The following KIF21A variants were observed in gnomAD, a reference collection of about 807,000 sequenced individuals.
The protein encoded by KIF21A is kinesin-like protein KIF21A.
KIF21A carries 114 observed loss-of-function variants against 202.9 expected under a neutral mutation model. The observed-to-expected ratio is 0.56, with a 90% CI of 0.48 to 0.66. The LOEUF (loss-of-function observed/expected upper bound fraction) is 0.66, where lower values mean the gene tolerates loss of function less well. Among genes scored for constraint, KIF21A ranks in the 30% least tolerant of loss-of-function variants. The probability of loss-of-function intolerance (pLI) is 0.00; values close to 1 mark genes in which losing one functional copy is unlikely to be tolerated. For missense variants in KIF21A, 1,677 were observed against 1,994.9 expected (o/e 0.84, Z 3.04); for synonymous variants, 667 against 670.8 (o/e 0.99, Z 0.09).
chr12:39,308,930 C>T (rs1215659244), intron 33 of KIF21A, among the ~76,000 whole-genome samples: 1 of 152,132 alleles, frequency 6.6e-6, no homozygotes, highest in Non-Finnish European at 1.5e-5. Flanking sequence ...CTTTCTTATG[C>T]TCCCTTCTCT....
chr12:39,363,032 A>G, intron 7 of KIF21A, 66 bp downstream of exon 7: 1 of 1,041,384 alleles, frequency 9.6e-7, no homozygotes, highest in Non-Finnish European at 1.5e-6. Context: ...CTTATAAATC[A>G]TCTTACAAGC....
At chr12:39,370,877 G>A (rs944021481) in intron 1 of KIF21A, among the ~76,000 whole-genome samples, 5 of 151,774 alleles carry the variant, frequency 3.3e-5, no homozygotes, top group African/African-American at 1.2e-4. Context: ...TTGAAATACT[G>A]TCATCTCTCA....
intron 1 of KIF21A, among the ~76,000 whole-genome samples, chr12:39,425,253 T>G (rs1029153465): frequency 1.3e-5 from 2 of 152,190 alleles, no homozygotes; most frequent in African/African-American, 2.4e-5. Flanking sequence ...AAATATTTAT[T>G]GTCTCTATCC....
At chr12:39,332,449 C>T (rs757001969) in intron 20 of KIF21A, 41 bp from the exon 21 acceptor site, 8 of 1,599,072 alleles carry the variant, frequency 5.0e-6, no homozygotes, top group South Asian at 4.4e-5. Context: ...ATTATGTTCA[C>T]TTATTTATAT....
intron 1 of KIF21A, among the ~76,000 whole-genome samples, chr12:39,422,525 C>T (rs1177175806): frequency 1.3e-5 from 2 of 152,116 alleles, no homozygotes; most frequent in Non-Finnish European, 2.9e-5. Flanking sequence ...AAACGGTAGG[C>T]AACTGCTATG....
chr12:39,422,304 C>A (rs1226897410), intron 1 of KIF21A, among the ~76,000 whole-genome samples: 1 of 152,076 alleles, frequency 6.6e-6, no homozygotes, highest in African/African-American at 2.4e-5. Flanking sequence ...TTAACCCTTG[C>A]AAGTAGTCTT....
At position 39,332,339 on chromosome 12, in the gene KIF21A, C is replaced by T. The variant is rs1001479403; in HGVS notation, c.2926G>A (p.Gly976Arg). 1.9e-6 allele frequency: 3 copies of T among 1,613,802 alleles called. No individual in the cohort carries two copies. Among genetic ancestry groups the T allele is most frequent in the Non-Finnish European group, 2.5e-6 (3 of 1,179,878 alleles). ...KRREKIVKENGEGDKNVANIN... is the reference protein window; with the variant it reads ...KRREKIVKENREGDKNVANIN... ...TTAGCCACATTTTTATCTCCCTCTC[C>T]ATTCTCCTTGACTATCTTCTCCCTT... The change falls in exon 21 of 38, where the codon GGA (glycine) becomes AGA (arginine). Residue 976 changes from glycine to arginine, a missense_variant. Transcript: ENST00000361418.
At chr12:39,327,431 A>G (rs1199911380) in intron 24 of KIF21A, among the ~76,000 whole-genome samples, 1 of 152,244 alleles carries the variant, frequency 6.6e-6, no homozygotes, top group Non-Finnish European at 1.5e-5. Flanking sequence ...CTTCACAGAA[A>G]AGATAACTGA....
At chr12:39,375,427 T>C (rs1950212633) in intron 1 of KIF21A, among the ~76,000 whole-genome samples, 1 of 152,144 alleles carries the variant, frequency 6.6e-6, no homozygotes, top group South Asian at 2.1e-4. Flanking sequence ...GCTCTTTTCA[T>C]GGATCATTTC....
chr12:39,380,288 A>G (rs1950535316), intron 1 of KIF21A, among the ~76,000 whole-genome samples: 1 of 152,094 alleles, frequency 6.6e-6, no homozygotes, highest in Non-Finnish European at 1.5e-5. Context: ...TTTTTAAAGC[A>G]CTACCACTGT....
chr12:39,325,355 G>A (rs1418332286), intron 26 of KIF21A, among the ~76,000 whole-genome samples: 6 of 146,906 alleles, frequency 4.1e-5, no homozygotes, highest in Admixed American at 6.8e-5. Context: ...TTTTTGAGAC[G>A]GAGTCTCGCT....
At chr12:39,318,766 G>A (rs927909464) in intron 28 of KIF21A, among the ~76,000 whole-genome samples, 2 of 152,172 alleles carry the variant, frequency 1.3e-5, no homozygotes, top group African/African-American at 4.8e-5. Context: ...CGGATCATGA[G>A]GTCAGAGATT....
At chr12:39,439,025 A>G (rs1260625175) in intron 1 of KIF21A, among the ~76,000 whole-genome samples, 1 of 152,180 alleles carries the variant, frequency 6.6e-6, no homozygotes, top group Non-Finnish European at 1.5e-5. Flanking sequence ...TTTCCTAGGA[A>G]AACAGCTACC....
Position 39,363,129 on chromosome 12 carries a change from T to C in KIF21A, c.988A>G (p.Arg330Gly), listed in dbSNP as rs1949357272. The C allele has an allele frequency of 6.2e-7, 1 of 1,612,642 alleles. No homozygotes were observed. Among genetic ancestry groups the C allele is most frequent in the Non-Finnish European group, 8.5e-7 (1 of 1,178,892 alleles). Residue 330 changes from arginine (R) to glycine (G), a missense_variant, in exon 7 of 38, where the codon AGA (arginine) becomes GGA (glycine). Physicochemically the swap from Arg to Gly is moderately radical, Grantham distance 125. Coordinates refer to ENST00000361418, the MANE Select transcript of KIF21A (RefSeq NM_001173464.2). ...HVPYRDSKLT[R>G]LLQDSLGGNS... The stretch of plus-strand genomic sequence containing the variant: ...CCCCCGAGGGAATCCTGTAGTAGTC[T>C]TGTTAGCTTGGAATCTCTATAGGGG...
At chr12:39,303,836 C>T (rs1013202) in intron 35 of KIF21A, among the ~76,000 whole-genome samples, 10,738 of 152,058 alleles carry the variant, frequency 0.071, 753 homozygotes, top group East Asian at 0.32. Flanking sequence ...TCTCTTAGCC[C>T]GTAACCTTGT....
At chr12:39,416,132 GA>G (rs559330134) in intron 1 of KIF21A, among the ~76,000 whole-genome samples, 9 of 149,818 alleles carry the variant, frequency 6.0e-5, no homozygotes, top group Admixed American at 3.3e-4. Context: ...CATTCAGAAA[GA>G]AAAAAAAAGT....
intron 11 of KIF21A, among the ~76,000 whole-genome samples, chr12:39,348,113 A>G (rs1225425367): frequency 6.6e-6 from 1 of 152,082 alleles, no homozygotes; most frequent in African/African-American, 2.4e-5. Context: ...TAAACTTTAC[A>G]TGCCTCCTAA....
chr12:39,392,986 A>C (rs1731436171), intron 1 of KIF21A, among the ~76,000 whole-genome samples: 1 of 148,892 alleles, frequency 6.7e-6, no homozygotes, highest in African/African-American at 2.5e-5. Flanking sequence ...ATATACTATA[A>C]ATGAGCCATA....
intron 6 of KIF21A, among the ~76,000 whole-genome samples, chr12:39,364,711 T>G (rs1484218951): frequency 6.6e-6 from 1 of 152,208 alleles, no homozygotes; most frequent in Non-Finnish European, 1.5e-5. Flanking sequence ...AAATCTGACC[T>G]AATCCACTCC....
Sources: allele counts gnomAD v4.1 joint callset (sites outside exome capture counted in the v4.1 genomes callset), GRCh38; gene constraint gnomAD v4.1.1; transcripts MANE v1.5; gene names NCBI Gene and HGNC (gene_info 2026-07-23, HGNC 2026-07-21).